The following UBE2O variants were observed in gnomAD, a reference collection of about 807,000 sequenced individuals.
UBE2O encodes (E3-independent) E2 ubiquitin-conjugating enzyme.
Under a neutral mutation model 125.8 loss-of-function variants are expected in UBE2O, and 15 were observed. The observed-to-expected ratio is 0.12, with a 90% confidence interval of 0.08 to 0.18. The LOEUF is 0.18. UBE2O is among the 10% of genes least tolerant of loss of function. The pLI is 1.00. For missense variants in UBE2O, 1,280 were observed against 1,723.6 expected (o/e 0.74, Z 4.56); for synonymous variants, 708 against 703.2 (o/e 1.01, Z -0.11).
At chr17:76,434,750 T>A (rs1326867846) in intron 1 of UBE2O, among the ~76,000 whole-genome samples, 1 of 151,068 alleles carries the variant, frequency 6.6e-6, no homozygotes, top group Non-Finnish European at 1.5e-5. Context: ...CCTGCGATGT[T>A]CTGGAAATGC....
At chr17:76,425,422 C>T (rs929039097) in intron 1 of UBE2O, among the ~76,000 whole-genome samples, 3 of 151,896 alleles carry the variant, frequency 2.0e-5, no homozygotes, top group African/African-American at 4.8e-5. Context: ...CCATCTTACC[C>T]TCTCAACTGT....
Position 76,390,037 on chromosome 17 carries a change from A to T in UBE2O, c.*906T>A, listed in dbSNP as rs1427036394. The T allele has an allele frequency of 6.6e-6, 1 of 152,530 alleles. No homozygotes were observed. The highest frequency in any genetic ancestry group is 1.5e-5 in the Non-Finnish European group (1 of 68,062). The allele number at this position is 152,530 out of a possible 1,614,324, so 9.4% of individuals were successfully genotyped here. ...CTTCGGATTGAGCCTGCAGTTTGTA[A>T]GCGAAGGGCTGACAGTAGGCCTTCT... is the stretch of plus-strand genomic sequence containing the variant. On this transcript the variant is annotated 3_prime_UTR_variant, in exon 18 of 18. Transcript: ENST00000319380.
chr17:76,440,566 G>GA (rs1182857803), intron 1 of UBE2O, among the ~76,000 whole-genome samples: 1 of 152,210 alleles, frequency 6.6e-6, no homozygotes. Flanking sequence ...GGCCTCAAGT[G>GA]ATCCGCCTGG....
At chr17:76,423,868 T>A in intron 1 of UBE2O, among the ~76,000 whole-genome samples, 1 of 145,438 alleles carries the variant, frequency 6.9e-6, no homozygotes, top group South Asian at 2.2e-4. Context: ...TCACACCAGG[T>A]GGCTCTCAGC....
Position 76,419,673 on chromosome 17 carries a change from C to T in UBE2O, c.418-14101G>A, listed in dbSNP as rs899732921. 3.3e-5 allele frequency among the ~76,000 whole-genome samples: 5 copies of T among 152,178 alleles called. No individual in the cohort carries two copies. The South Asian group carries it at 6.2e-4, about 19-fold the overall frequency. On this transcript the variant is annotated intron_variant, in intron 1 of 17. Transcript: ENST00000319380. ...TTCCATGCTGACAAGAACAAGGCCC[C>T]GGGCCAGTTGCTGTCACAGTGGCAA...
At chr17:76,401,292 C>G in intron 5 of UBE2O, 138 bp from the exon 6 acceptor site, 1 of 1,019,034 alleles carries the variant, frequency 9.8e-7, no homozygotes, top group Non-Finnish European at 1.4e-6. Flanking sequence ...TAAAACAAGT[C>G]CTGTGGCTCC....
intron 1 of UBE2O, among the ~76,000 whole-genome samples, chr17:76,423,960 T>C (rs2072755935): frequency 1.4e-5 from 2 of 141,310 alleles, no homozygotes; most frequent in African/African-American, 5.1e-5. Context: ...GTAGTGCTAG[T>C]GCAGCGGCGC....
intron 1 of UBE2O, among the ~76,000 whole-genome samples, chr17:76,444,081 C>A (rs939585854): frequency 6.6e-6 from 1 of 151,890 alleles, no homozygotes; most frequent in Non-Finnish European, 1.5e-5. Context: ...ATTACTCGGA[C>A]GTGGTGGCGG....
At chr17:76,412,502 C>T (rs2072533608) in intron 1 of UBE2O, among the ~76,000 whole-genome samples, 1 of 152,030 alleles carries the variant, frequency 6.6e-6, no homozygotes, top group Non-Finnish European at 1.5e-5. Flanking sequence ...GACAGAGCTT[C>T]CAATTGTGCT....
chr17:76,419,572 C>A (rs776790298), intron 1 of UBE2O, among the ~76,000 whole-genome samples: 1 of 152,134 alleles, frequency 6.6e-6, no homozygotes, highest in Non-Finnish European at 1.5e-5. Flanking sequence ...CACAGAGGCA[C>A]CAGGTCCTCA....
intron 15 of UBE2O, 63 bp from the exon 16 acceptor site, chr17:76,392,176 T>G: frequency 9.3e-7 from 1 of 1,078,340 alleles, no homozygotes; most frequent in Non-Finnish European, 1.3e-6. Context: ...GTCCTACATG[T>G]GGCATCTGCA....
intron 1 of UBE2O, among the ~76,000 whole-genome samples, chr17:76,434,794 T>TA (rs150608519): frequency 0.062 from 8,263 of 133,452 alleles, 323 homozygotes; most frequent in South Asian, 0.12. Flanking sequence ...TTTTTTTTTT[T>TA]AAAAAAACAA....
At chr17:76,411,115 G>A (rs1461823850) in intron 1 of UBE2O, among the ~76,000 whole-genome samples, 1 of 152,142 alleles carries the variant, frequency 6.6e-6, no homozygotes, top group Non-Finnish European at 1.5e-5. Context: ...CATCTTCCAG[G>A]TAATACTCCC....
At chr17:76,406,132 G>C (rs2072412898) in intron 1 of UBE2O, among the ~76,000 whole-genome samples, 1 of 152,186 alleles carries the variant, frequency 6.6e-6, no homozygotes, top group Non-Finnish European at 1.5e-5. Flanking sequence ...TGCTGCGCTT[G>C]GAGCCCTGCA....
In UBE2O at chr17:76,452,031, A is replaced by G. The variant is rs1313091891; in HGVS notation, c.417+694T>C. On this transcript the variant is annotated intron_variant, in intron 1 of 17. Coordinates refer to ENST00000319380, the MANE Select transcript of UBE2O (RefSeq NM_022066.4). The surrounding 1 kb of genome is among the most constrained non-coding windows in gnomAD (Gnocchi z 4.4). ...TCCCCTCTACCCAGGGTTCTGGATT[A>G]TTTTTTTCAAGGAGTCCATATGCAC... Among the ~76,000 whole-genome samples, 1 of 151,832 alleles carries G rather than the reference A, an allele frequency of 6.6e-6. No homozygotes were observed. The highest frequency in any genetic ancestry group is 6.6e-5 in the Admixed American group (1 of 15,246).
At position 76,405,334 on chromosome 17, in the gene UBE2O, C is replaced by T. The variant is rs1343148206; in HGVS notation, c.478-18G>A. The T allele has an allele frequency of 6.3e-7, 1 of 1,595,546 alleles. No individual in the cohort carries two copies. The highest frequency in any genetic ancestry group is 8.6e-7 in the Non-Finnish European group (1 of 1,166,278). ...TGACTGTCCTGGGGGAGGGAGGAGACATGCAAGTCCCGTGGTGCAGCAGCC... is the reference window on the plus strand; with the variant it reads ...TGACTGTCCTGGGGGAGGGAGGAGATATGCAAGTCCCGTGGTGCAGCAGCC... On this transcript the variant is annotated intron_variant, in intron 2 of 17. Coordinates refer to ENST00000319380, the MANE Select transcript of UBE2O (RefSeq NM_022066.4). This position sits in a 1 kb window ranked among gnomAD's most constrained non-coding sequence, Gnocchi z 6.1.
At chr17:76,406,019 C>G (rs965357631) in intron 1 of UBE2O, among the ~76,000 whole-genome samples, 2 of 152,236 alleles carry the variant, frequency 1.3e-5, no homozygotes, top group Non-Finnish European at 2.9e-5. Flanking sequence ...GGGGGAGAAG[C>G]AGGACACTGG....
chr17:76,396,932 T>A lies in UBE2O; in HGVS notation c.2116-111A>T. 1.0e-6 allele frequency: 1 copy of A among 982,864 alleles called. No homozygotes were observed. Among genetic ancestry groups the A allele is most frequent in the Non-Finnish European group, 1.5e-6 (1 of 677,624 alleles). The allele number at this position is 982,864 out of a possible 1,614,324, so 60.9% of individuals were successfully genotyped here. On this transcript the variant is annotated intron_variant, in intron 13 of 17. Transcript: ENST00000319380. This position sits in a 1 kb window ranked among gnomAD's most constrained non-coding sequence, Gnocchi z 6.7. ...GCACAGCTGATGGCGACTGGGCTCATGAGGCCTTGGCAACCTCATTCCACC... is the reference window on the plus strand; with the variant it reads ...GCACAGCTGATGGCGACTGGGCTCAAGAGGCCTTGGCAACCTCATTCCACC...
chr17:76,402,241 T>C lies in UBE2O; in HGVS notation c.687-114A>G. On this transcript the variant is annotated intron_variant, in intron 4 of 17. Coordinates refer to ENST00000319380, the MANE Select transcript of UBE2O (RefSeq NM_022066.4). The surrounding 1 kb of genome is among the most constrained non-coding windows in gnomAD (Gnocchi z 5.4). The stretch of plus-strand genomic sequence containing the variant: ...GCCCTAAATAGCACAATTCGTCTTC[T>C]ACCATCAACTCAGCCCGAGGTAGTA... The C allele has an allele frequency of 1.1e-6, 1 of 923,336 alleles. No homozygotes were observed. Among genetic ancestry groups the C allele is most frequent in the East Asian group, 2.6e-5 (1 of 38,240 alleles). The allele number at this position is 923,336 out of a possible 1,614,324, so 57.2% of individuals were successfully genotyped here.
Sources: gnomAD v4.1 joint callset for allele counts (sites outside exome capture counted in the v4.1 genomes callset) on GRCh38, gnomAD v4.1.1 for gene constraint, Gnocchi (gnomAD v3.1) non-coding constraint, MANE v1.5 for transcripts, NCBI Gene and HGNC (gene_info 2026-07-23, HGNC 2026-07-21) for gene names.